Variants in ARSG observed in about 807,000 individuals in gnomAD.
The protein encoded by ARSG is arylsulfatase G, also known as ASG.
A neutral mutation model predicts 50.5 loss-of-function variants in ARSG; 37 were observed. The observed-to-expected ratio is 0.73, with a 90% CI of 0.56 to 0.96. The LOEUF (loss-of-function observed/expected upper bound fraction) is 0.96, where lower values mean the gene tolerates loss of function less well. Among genes scored for constraint, ARSG ranks in the 50% least tolerant of loss-of-function variants. The pLI, the probability that ARSG is intolerant of heterozygous loss-of-function variation, is 0.00. For synonymous variants in ARSG, 225 were observed against 254.6 expected, an observed-to-expected ratio of 0.88 and a Z score of 1.11; for missense variants, 629 against 675.3, an observed-to-expected ratio of 0.93 and a Z score of 0.76.
chr17:68,304,407 A>G (rs965287280), intron 1 of ARSG, among the ~76,000 whole-genome samples: 8 of 152,246 alleles, frequency 5.3e-5, no homozygotes, highest in African/African-American at 1.4e-4. Context: ...TTTCTGAACA[A>G]TTGATTCATT....
At chr17:68,322,739 G>A (rs576339538) in intron 2 of ARSG, among the ~76,000 whole-genome samples, 36 of 152,320 alleles carry the variant, frequency 2.4e-4, no homozygotes, top group African/African-American at 8.7e-4. Context: ...GGGCAAGCAG[G>A]GATAACATTC....
chr17:68,364,611 C>T lies in ARSG; in HGVS notation c.705-3937C>T, dbSNP rs527249638. ...CTGACCTCAGGTGATCCACCCACCT[C>T]GGCCTTCCAAAAGTTCTGGGATTAC... On this transcript the variant is annotated intron_variant, in intron 6 of 11. Coordinates refer to ENST00000621439, the MANE Select transcript of ARSG (RefSeq NM_001267727.2). Among the ~76,000 whole-genome samples, 19 of 152,270 alleles carry T rather than the reference C, an allele frequency of 1.2e-4. No homozygotes were observed. In the East Asian group the frequency reaches 2.5e-3, roughly 20 times the overall value.
the ARSG span, among the ~76,000 whole-genome samples, chr17:68,433,791 T>TTTTTTTG: frequency 3.2e-5 from 2 of 63,490 alleles, no homozygotes; most frequent in African/African-American, 1.1e-4. Context: ...TTTTTTTTTT[T>TTTTTTTG]TTTTTTTGAG....
Position 68,420,511 on chromosome 17 carries a change from G to T in ARSG, c.*48G>T. 6.3e-7 allele frequency: 1 copy of T among 1,580,950 alleles called. No homozygotes were observed. The highest frequency in any genetic ancestry group is 8.6e-7 in the Non-Finnish European group (1 of 1,158,246). On this transcript the variant is annotated 3_prime_UTR_variant, in exon 12 of 12. Transcript: ENST00000621439. The stretch of plus-strand genomic sequence containing the variant: ...GGAGGAGTACCTGGAAATTAGGCAA[G>T]TTTGCTTCCAAATTTCATTTTTACC...
At chr17:68,265,750 G>GT (rs1363412892) in intron 1 of ARSG, among the ~76,000 whole-genome samples, 4 of 120,708 alleles carry the variant, frequency 3.3e-5, no homozygotes, top group African/African-American at 6.8e-5. Flanking sequence ...AATAGTGTGT[G>GT]TTGTTTTTTT....
chr17:68,320,172 C>G (rs1221276266), intron 2 of ARSG, among the ~76,000 whole-genome samples: 3 of 152,116 alleles, frequency 2.0e-5, no homozygotes, highest in African/African-American at 7.2e-5. Flanking sequence ...GCCTGTAGTC[C>G]TAGCTACTCA....
chr17:68,285,054 C>A (rs1229229802), intron 1 of ARSG, among the ~76,000 whole-genome samples: 1 of 152,198 alleles, frequency 6.6e-6, no homozygotes, highest in African/African-American at 2.4e-5. Flanking sequence ...GAGATGGTCT[C>A]TGCCTCCATG....
intron 9 of ARSG, among the ~76,000 whole-genome samples, chr17:68,389,378 G>T (rs962937434): frequency 2.6e-5 from 4 of 152,154 alleles, no homozygotes; most frequent in African/African-American, 9.7e-5. Flanking sequence ...AGAGGGACTC[G>T]TGTGTGGATG....
intron 2 of ARSG, among the ~76,000 whole-genome samples, chr17:68,336,935 A>T: frequency 6.6e-6 from 1 of 152,314 alleles, no homozygotes; most frequent in South Asian, 2.1e-4. Context: ...ACCTGAGGTG[A>T]CAGGAAGATC....
chr17:68,383,724 G>A (rs574809369), intron 8 of ARSG, among the ~76,000 whole-genome samples: 58 of 152,308 alleles, frequency 3.8e-4, no homozygotes, highest in African/African-American at 1.1e-3. Context: ...TTCCAAGTGC[G>A]TGAATAAATT....
chr17:68,343,898 G>A lies in ARSG; in HGVS notation c.406+107G>A, dbSNP rs569063933. 1.9e-5 allele frequency: 22 copies of A among 1,167,620 alleles called. No homozygotes were observed. In the South Asian group the frequency reaches 3.4e-4, roughly 18 times the overall value. 72.3% of individuals were successfully genotyped at this position (1,167,620 alleles called of 1,614,324 possible). The stretch of plus-strand genomic sequence containing the variant: ...TCTGCTTTCCTGTTCATGTCTTGCT[G>A]TGTGAGTTAGGGATGCTCTCAGCTA... On this transcript the variant is annotated intron_variant, in intron 3 of 11. Transcript: ENST00000621439.
chr17:68,448,592 C>G, the ARSG span, among the ~76,000 whole-genome samples: 46 of 152,218 alleles, frequency 3.0e-4, no homozygotes, highest in Non-Finnish European at 4.7e-4. Flanking sequence ...TTCCTTGTCC[C>G]ATTTGCTAAT....
intron 4 of ARSG, among the ~76,000 whole-genome samples, chr17:68,349,133 C>T (rs2078640062): frequency 6.6e-6 from 1 of 151,828 alleles, no homozygotes; most frequent in Non-Finnish European, 1.5e-5. Context: ...CCTGTCTCTA[C>T]TAAAAAAATA....
chr17:68,434,469 C>A, the ARSG span: 1 of 1,388,730 alleles, frequency 7.2e-7, no homozygotes, highest in Non-Finnish European at 1.0e-6. Context: ...CACAGAGCCA[C>A]TCTCTGTCCT....
chr17:68,345,270 G>A (rs775289588), intron 3 of ARSG, among the ~76,000 whole-genome samples: 1 of 152,188 alleles, frequency 6.6e-6, no homozygotes, highest in Non-Finnish European at 1.5e-5. Flanking sequence ...CCAGGAGATC[G>A]AGACCAGCCT....
chr17:68,264,432 ACATGGTCT>A (rs1404036766), intron 1 of ARSG, among the ~76,000 whole-genome samples: 1 of 152,132 alleles, frequency 6.6e-6, no homozygotes, highest in African/African-American at 2.4e-5. Context: ...TTAAAAGAGT[ACATGGTCT>A]CAACTCTTTT....
rs1036552178 is a variant in ARSG at position 68,381,600 on chromosome 17, G to A, written c.983-3464G>A. 2.6e-5 allele frequency among the ~76,000 whole-genome samples: 4 copies of A among 152,166 alleles called. No individual in the cohort carries two copies. The highest frequency in any genetic ancestry group is 4.4e-5 in the Non-Finnish European group (3 of 68,034). On this transcript the variant is annotated intron_variant, in intron 8 of 11. Coordinates refer to ENST00000621439, the MANE Select transcript of ARSG (RefSeq NM_001267727.2). This position sits in a 1 kb window ranked among gnomAD's most constrained non-coding sequence, Gnocchi z 4.1. The stretch of plus-strand genomic sequence containing the variant: ...CATATTTATGATGCTATGGCATAGA[G>A]GTATAAAGTCGTGGGCAACAGAAAG...
intron 2 of ARSG, among the ~76,000 whole-genome samples, chr17:68,336,849 C>T (rs1452606909): frequency 6.6e-6 from 1 of 152,006 alleles, no homozygotes; most frequent in Non-Finnish European, 1.5e-5. Context: ...GAATGAGACT[C>T]TGTCTCAAAT....
intron 6 of ARSG, among the ~76,000 whole-genome samples, chr17:68,362,137 G>A (rs1236213048): frequency 2.6e-5 from 4 of 151,976 alleles, no homozygotes; most frequent in Non-Finnish European, 5.9e-5. Context: ...CTCATGCCTG[G>A]GATCTGCAGA....
Sources: allele counts gnomAD v4.1 joint callset (sites outside exome capture counted in the v4.1 genomes callset), GRCh38; gene constraint gnomAD v4.1.1; non-coding constraint Gnocchi (gnomAD v3.1); transcripts MANE v1.5; gene names NCBI Gene and HGNC (gene_info 2026-07-23, HGNC 2026-07-21).